Variants in AP3B1 observed in about 807,000 individuals in gnomAD.
The protein encoded by AP3B1 is adaptor related protein complex 3 subunit beta 1.
AP3B1 carries 61 observed loss-of-function variants against 132.5 expected under a neutral mutation model. The observed-to-expected ratio is 0.46, with a 90% CI of 0.37 to 0.57. The LOEUF is 0.57. AP3B1 is among the 20% of genes least tolerant of loss of function. The pLI is 0.00. For missense variants in AP3B1, 1,120 were observed against 1,289.4 expected (o/e 0.87, Z 2.01); for synonymous variants, 388 against 438.3 (o/e 0.89, Z 1.43).
At chr5:78,041,401 T>C (rs1371936932) in intron 22 of AP3B1, among the ~76,000 whole-genome samples, 2 of 150,510 alleles carry the variant, frequency 1.3e-5, no homozygotes, top group African/African-American at 2.5e-5. Context: ...CTAGAGAAAA[T>C]GTAAAAAATT....
chr5:78,255,464 AT>A (rs1246222482), intron 2 of AP3B1, among the ~76,000 whole-genome samples: 1 of 102,422 alleles, frequency 9.8e-6, no homozygotes, highest in African/African-American at 3.5e-5. Flanking sequence ...ACCAAACAAA[AT>A]AAGACTTCAA....
intron 22 of AP3B1, among the ~76,000 whole-genome samples, chr5:78,072,804 C>G (rs1749597783): frequency 7.0e-6 from 1 of 143,700 alleles, no homozygotes; most frequent in Admixed American, 7.4e-5. Context: ...TCATTGCAAC[C>G]TCCACCTCCC....
At chr5:78,232,818 T>C (rs1412436441) in intron 3 of AP3B1, among the ~76,000 whole-genome samples, 3 of 152,156 alleles carry the variant, frequency 2.0e-5, no homozygotes, top group Non-Finnish European at 4.4e-5. Context: ...ATGATTTTCC[T>C]GCCTCAGCCT....
intron 14 of AP3B1, among the ~76,000 whole-genome samples, chr5:78,142,280 T>G (rs573459935): frequency 6.6e-6 from 1 of 152,354 alleles, no homozygotes; most frequent in Non-Finnish European, 1.5e-5. Flanking sequence ...CAAATTAGTT[T>G]TATTACTATT....
chr5:78,153,656 T>G (rs1334151412), intron 14 of AP3B1, among the ~76,000 whole-genome samples: 1 of 152,174 alleles, frequency 6.6e-6, no homozygotes, highest in African/African-American at 2.4e-5. Context: ...GTTTTCCTTT[T>G]AATGCAGGTG....
At chr5:78,109,497 A>G (rs1751481895) in intron 20 of AP3B1, among the ~76,000 whole-genome samples, 1 of 152,144 alleles carries the variant, frequency 6.6e-6, no homozygotes, top group Admixed American at 6.6e-5. Context: ...TTGTATATAA[A>G]AATACTATAC....
chr5:78,021,700 A>G (rs1456851083), intron 24 of AP3B1, among the ~76,000 whole-genome samples: 4 of 152,142 alleles, frequency 2.6e-5, no homozygotes, highest in Non-Finnish European at 5.9e-5. Flanking sequence ...AAAACCCTTT[A>G]GAGGCCCAGA....
intron 17 of AP3B1, among the ~76,000 whole-genome samples, chr5:78,126,339 T>C (rs1752455461): frequency 6.6e-6 from 1 of 151,500 alleles, no homozygotes; most frequent in African/African-American, 2.4e-5. Flanking sequence ...ACCCCATCTC[T>C]ACTAAAAATA....
At chr5:78,048,619 T>A (rs577779467) in intron 22 of AP3B1, among the ~76,000 whole-genome samples, 8 of 152,058 alleles carry the variant, frequency 5.3e-5, no homozygotes, top group Admixed American at 1.3e-4. Flanking sequence ...TCCTGCCACA[T>A]TGTTCAGTGA....
At chr5:78,262,011 C>T (rs181548205) in intron 2 of AP3B1, among the ~76,000 whole-genome samples, 1,538 of 150,022 alleles carry the variant, frequency 0.01, 24 homozygotes, top group African/African-American at 0.035. Flanking sequence ...TCAAGTAATC[C>T]GCCCACCTCG....
chr5:78,206,029 G>A (rs12657894), intron 7 of AP3B1, among the ~76,000 whole-genome samples: 55,522 of 151,634 alleles, frequency 0.37, 10,441 homozygotes, highest in African/African-American at 0.45. Flanking sequence ...TCTTTAAAGC[G>A]TTTCACAAAG....
At chr5:78,096,741 C>A (rs1377215713) in intron 21 of AP3B1, among the ~76,000 whole-genome samples, 1 of 151,732 alleles carries the variant, frequency 6.6e-6, no homozygotes, top group African/African-American at 2.4e-5. Flanking sequence ...CCGGCAACTG[C>A]CCCGTCTGAG....
chr5:78,174,139 C>T (rs1046335577), intron 11 of AP3B1, among the ~76,000 whole-genome samples: 2 of 152,078 alleles, frequency 1.3e-5, no homozygotes, highest in African/African-American at 2.4e-5. Context: ...ATGCTCCTTT[C>T]GCTCGGAGAA....
chr5:78,085,983 A>G (rs1239377742), intron 22 of AP3B1, among the ~76,000 whole-genome samples: 1 of 152,180 alleles, frequency 6.6e-6, no homozygotes, highest in Non-Finnish European at 1.5e-5. Flanking sequence ...AATTTTGCAT[A>G]TTACGGAGTG....
intron 1 of AP3B1, among the ~76,000 whole-genome samples, chr5:78,281,337 G>C (rs1460574420): frequency 6.6e-6 from 1 of 151,120 alleles, no homozygotes; most frequent in Non-Finnish European, 1.5e-5. Context: ...AAGAAGCTGA[G>C]GCAGGAGAAT....
intron 20 of AP3B1, among the ~76,000 whole-genome samples, chr5:78,105,241 G>T (rs942387854): frequency 6.6e-6 from 1 of 151,990 alleles, no homozygotes; most frequent in Admixed American, 6.5e-5. Flanking sequence ...CTAGAATATT[G>T]CATCATGAAT....
chr5:78,292,503 C>A (rs1289878055), intron 1 of AP3B1, among the ~76,000 whole-genome samples: 1 of 152,124 alleles, frequency 6.6e-6, no homozygotes, highest in Non-Finnish European at 1.5e-5. Flanking sequence ...AATATTAGAG[C>A]CCCTGAGTTC....
chr5:78,281,305 A>G (rs1015164847), intron 1 of AP3B1, among the ~76,000 whole-genome samples: 2 of 152,010 alleles, frequency 1.3e-5, no homozygotes, highest in Non-Finnish European at 2.9e-5. Flanking sequence ...ATGGTGGTGC[A>G]TACCTGTAAT....
chr5:78,219,416 G>A (rs1199191129), intron 6 of AP3B1, among the ~76,000 whole-genome samples: 2 of 152,016 alleles, frequency 1.3e-5, no homozygotes, highest in African/African-American at 4.8e-5. Flanking sequence ...GAAAAGGCTT[G>A]TAGTAAAGTA....
Sources: allele counts gnomAD v4.1 joint callset (sites outside exome capture counted in the v4.1 genomes callset), GRCh38; gene constraint gnomAD v4.1.1; transcripts MANE v1.5; gene names NCBI Gene and HGNC (gene_info 2026-07-23, HGNC 2026-07-21).